Variants in DCAF1 observed in about 807,000 individuals in gnomAD.
DCAF1 encodes DDB1- and CUL4-associated factor 1.
A neutral mutation model predicts 128.0 loss-of-function variants in DCAF1; 15 were observed. The observed-to-expected ratio is 0.12, with a 90% confidence interval of 0.08 to 0.18. The LOEUF (loss-of-function observed/expected upper bound fraction) is 0.18. Among genes scored for constraint, DCAF1 ranks in the 10% least tolerant of loss-of-function variants. The pLI is 1.00. For missense variants in DCAF1, 988 were observed against 1,649.5 expected, an observed-to-expected ratio of 0.60 and a Z score of 6.95; for synonymous variants, 610 against 603.0, an observed-to-expected ratio of 1.01 and a Z score of -0.17.
intron 23 of DCAF1, among the ~76,000 whole-genome samples, chr3:51,406,564 C>A (rs1553626713): frequency 6.6e-6 from 1 of 151,960 alleles, no homozygotes; most frequent in African/African-American, 2.4e-5. Flanking sequence ...TTAATTCCAC[C>A]TACATCAATT....
chr3:51,446,999 T>TAATAATAATAAAAAA (rs370193180), intron 6 of DCAF1, among the ~76,000 whole-genome samples: 3 of 148,138 alleles, frequency 2.0e-5, no homozygotes. Flanking sequence ...ATAATAATAA[T>TAATAATAATAAAAAA]AAAATGTTTT....
At chr3:51,467,264 G>A (rs753480649) in intron 4 of DCAF1, among the ~76,000 whole-genome samples, 1 of 152,024 alleles carries the variant, frequency 6.6e-6, no homozygotes, top group East Asian at 1.9e-4. Context: ...CCCAGGAGGC[G>A]GAGGTTGCAG....
At chr3:51,462,987 A>G (rs1302212053) in intron 6 of DCAF1, 127 bp downstream of exon 6, 1 of 456,770 alleles carries the variant, frequency 2.2e-6, no homozygotes, top group Non-Finnish European at 3.6e-6. Context: ...GATTTCTTAG[A>G]TTTTTATAAC....
chr3:51,432,647 C>T (rs936052060), intron 10 of DCAF1, among the ~76,000 whole-genome samples: 5 of 151,986 alleles, frequency 3.3e-5, no homozygotes, highest in South Asian at 4.2e-4. Flanking sequence ...TTAGTAGAGA[C>T]GGGGTTACAC....
At chr3:51,495,075 C>A (rs1708085685) in intron 2 of DCAF1, among the ~76,000 whole-genome samples, 1 of 152,102 alleles carries the variant, frequency 6.6e-6, no homozygotes, top group Admixed American at 6.6e-5. Flanking sequence ...GTAATCCCTG[C>A]ACTTTGGGAG....
intron 2 of DCAF1, among the ~76,000 whole-genome samples, chr3:51,492,838 CAA>C: frequency 6.6e-6 from 1 of 151,160 alleles, no homozygotes; most frequent in African/African-American, 2.4e-5. Context: ...ACTAAAAATA[CAA>C]AAAATTAGCT....
intron 24 of DCAF1, among the ~76,000 whole-genome samples, chr3:51,400,734 C>A (rs1553624569): frequency 6.6e-6 from 1 of 152,102 alleles, no homozygotes; most frequent in African/African-American, 2.4e-5. Flanking sequence ...TCTGAAAGGT[C>A]GCTAAGGCAG....
chr3:51,463,566 T>C (rs944583628), intron 5 of DCAF1, among the ~76,000 whole-genome samples: 1 of 152,048 alleles, frequency 6.6e-6, no homozygotes, highest in Admixed American at 6.6e-5. Flanking sequence ...GAGGATCACT[T>C]GAGCTGAGGA....
intron 9 of DCAF1, chr3:51,438,141 C>G: frequency 5.2e-6 from 2 of 381,154 alleles, no homozygotes; most frequent in Non-Finnish European, 1.0e-5. Context: ...TTTTTTTTAA[C>G]TGTAATTTCA....
chr3:51,439,167 C>A (rs1422134082), intron 9 of DCAF1, among the ~76,000 whole-genome samples: 1 of 152,054 alleles, frequency 6.6e-6, no homozygotes, highest in Non-Finnish European at 1.5e-5. Flanking sequence ...CAGAGTCTCA[C>A]CCTGTCGCTC....
downstream of DCAF1, chr3:51,396,069 C>T (rs78691708): frequency 2.0e-3 from 818 of 411,402 alleles, 6 homozygotes; most frequent in African/African-American, 0.015. Flanking sequence ...CTCCAACAAA[C>T]GCCTGAGTCA....
At position 51,412,442 on chromosome 3, in the gene DCAF1, T is replaced by C. The variant is rs1438105590; in HGVS notation, c.4149A>G (p.Val1383=). The C allele has an allele frequency of 1.2e-6, 2 of 1,613,870 alleles. No individual in the cohort carries two copies. Among genetic ancestry groups the C allele is most frequent in the Non-Finnish European group, 1.7e-6 (2 of 1,179,870 alleles). ...GCCTGCCCACTTCATACAGCCTGCA[T>C]ACTGTGTCCATGTTCAGGGCATCCA... ...GSMDALNMDT[V]CRLYEVGRQR... is the part of the protein sequence containing the mutation. The change falls in exon 23 of 25, where the codon GTA becomes GTG. Residue 1383 remains valine, a synonymous_variant. Transcript: ENST00000684031.
chr3:51,412,362 T>C lies in DCAF1; in HGVS notation c.4212+17A>G. 4 of 1,613,490 alleles carry C rather than the reference T, an allele frequency of 2.5e-6. No homozygotes were observed. Among genetic ancestry groups the C allele is most frequent in the Non-Finnish European group, 3.4e-6 (4 of 1,179,748 alleles). On this transcript the variant is annotated intron_variant, in intron 23 of 24. Transcript: ENST00000684031. Reference sequence around the variant, plus strand: ...TTAAGCACTGTTCAGCAGAAAGAAATCTCAAAGACCACTGACCTGGTCCTC... The same window carrying C: ...TTAAGCACTGTTCAGCAGAAAGAAACCTCAAAGACCACTGACCTGGTCCTC...
At chr3:51,427,861 T>C (rs1010683970) in intron 12 of DCAF1, among the ~76,000 whole-genome samples, 6 of 152,134 alleles carry the variant, frequency 3.9e-5, no homozygotes, top group Admixed American at 1.3e-4. Flanking sequence ...TGCAGTGGCA[T>C]GATCATAGCT....
intron 3 of DCAF1, 45 bp downstream of exon 3, chr3:51,483,674 T>G (rs1553653941): frequency 2.3e-6 from 3 of 1,290,284 alleles, no homozygotes; most frequent in South Asian, 1.2e-5. Flanking sequence ...ATGAGTTGTG[T>G]CCGAGGTTTT....
chr3:51,478,057 G>A lies in DCAF1; in HGVS notation c.110+5662C>T, dbSNP rs189662215. 1.4e-3 allele frequency among the ~76,000 whole-genome samples: 206 copies of A among 152,184 alleles called. 4 individuals are homozygous for A. The South Asian group carries it at 0.042, about 31-fold the overall frequency. On this transcript the variant is annotated intron_variant, in intron 3 of 24. Coordinates refer to ENST00000684031, the MANE Select transcript of DCAF1 (RefSeq NM_001387579.1). Reference sequence around the variant, plus strand: ...GAGTCTCTCTTGCCCAGGCTGGAGTGTAGTGGCACAATCTCAGCTCACTGC... The same window carrying A: ...GAGTCTCTCTTGCCCAGGCTGGAGTATAGTGGCACAATCTCAGCTCACTGC...
intron 3 of DCAF1, among the ~76,000 whole-genome samples, chr3:51,480,027 A>T (rs1433209051): frequency 2.0e-5 from 3 of 151,660 alleles, no homozygotes; most frequent in Admixed American, 6.6e-5. Flanking sequence ...CAAAAAAATT[A>T]AAAAATAAAA....
chr3:51,431,435 A>G (rs1445008705), intron 10 of DCAF1, among the ~76,000 whole-genome samples: 1 of 149,268 alleles, frequency 6.7e-6, no homozygotes, highest in East Asian at 2.0e-4. Context: ...CAGGAGAATC[A>G]CTTGAACCCA....
rs57102954 is a variant in DCAF1 at position 51,401,131 on chromosome 3, CAAA to C, written c.4465+2009_4465+2011del. ...TGGGCAACAGAGTGAGACTCCATCT[CAAA>C]AAAAAAAAAAAAAAAAAAAGATCTC... is the stretch of plus-strand genomic sequence containing the variant. On this transcript the variant is annotated intron_variant, in intron 24 of 24. Coordinates refer to ENST00000684031, the MANE Select transcript of DCAF1 (RefSeq NM_001387579.1). Among the ~76,000 whole-genome samples the C allele has an allele frequency of 2.7e-3, 180 of 67,272 alleles. 1 individual carries two copies. The highest frequency in any genetic ancestry group is 0.012 in the Middle Eastern group (2 of 162). The allele number at this position is 67,272 out of a possible 152,430, so 44.1% of individuals were successfully genotyped here.
Sources: gnomAD v4.1 joint callset for allele counts (sites outside exome capture counted in the v4.1 genomes callset) on GRCh38, gnomAD v4.1.1 for gene constraint, MANE v1.5 for transcripts, NCBI Gene and HGNC (gene_info 2026-07-23, HGNC 2026-07-21) for gene names.